FLT1: variants seen among roughly 807,000 people sequenced by gnomAD.
The protein encoded by FLT1 is vascular endothelial growth factor receptor 1.
FLT1 carries 49 observed loss-of-function variants against 156.3 expected under a neutral mutation model. That is an observed-to-expected ratio of 0.31 (90% CI 0.25 to 0.40). The LOEUF is 0.40. Ranked by LOEUF, FLT1 falls within the 10% of genes least tolerant of loss-of-function variation. The pLI, the probability that FLT1 is intolerant of heterozygous loss-of-function variation, is 1.00. For missense variants in FLT1, 1,322 were observed against 1,637.2 expected (o/e 0.81, Z 3.32); for synonymous variants, 594 against 583.8 (o/e 1.02, Z -0.25).
At chr13:28,487,940 T>C (rs1311771086) in intron 1 of FLT1, among the ~76,000 whole-genome samples, 1 of 151,780 alleles carries the variant, frequency 6.6e-6, no homozygotes, top group Non-Finnish European at 1.5e-5. Context: ...ATTACAAGTC[T>C]AAGCCAAGTA....
chr13:28,412,815 C>T (rs1169059055), intron 10 of FLT1, among the ~76,000 whole-genome samples: 2 of 149,142 alleles, frequency 1.3e-5, no homozygotes, highest in Admixed American at 6.8e-5. Context: ...CGGCTCACTG[C>T]AACCTCTGCC....
At chr13:28,393,570 A>C (rs1263655376) in intron 12 of FLT1, among the ~76,000 whole-genome samples, 1 of 151,922 alleles carries the variant, frequency 6.6e-6, no homozygotes, top group Non-Finnish European at 1.5e-5. Flanking sequence ...ACTCAAAAAA[A>C]TTTTTGTGTT....
At chr13:28,311,565 A>G (rs755596283) in intron 27 of FLT1, 25 bp downstream of exon 27, 2 of 1,599,738 alleles carry the variant, frequency 1.3e-6, no homozygotes, top group South Asian at 1.1e-5. Flanking sequence ...ATTCTGTGAT[A>G]TAAAGTTTGA....
intron 16 of FLT1, among the ~76,000 whole-genome samples, chr13:28,345,159 C>T (rs1396049520): frequency 6.6e-6 from 1 of 152,064 alleles, no homozygotes; most frequent in African/African-American, 2.4e-5. Flanking sequence ...TCACAGGTCC[C>T]ACACTGACTT....
intron 24 of FLT1, among the ~76,000 whole-genome samples, chr13:28,318,935 C>T (rs1871320930): frequency 6.6e-6 from 1 of 152,162 alleles, no homozygotes; most frequent in Admixed American, 6.5e-5. Flanking sequence ...GTGTCCAGAG[C>T]CATATCATGT....
chr13:28,386,125 T>G, intron 13 of FLT1: 1 of 1,052,992 alleles, frequency 9.5e-7, no homozygotes, highest in Non-Finnish European at 1.1e-6. Context: ...TTTCCTCATC[T>G]TAGTGTACTA....
intron 29 of FLT1, among the ~76,000 whole-genome samples, chr13:28,304,610 A>T (rs929557395): frequency 6.6e-6 from 1 of 152,120 alleles, no homozygotes; most frequent in Non-Finnish European, 1.5e-5. Context: ...ATAGACACAA[A>T]TTGTGCAACC....
At chr13:28,436,871 C>T (rs572147106) in intron 4 of FLT1, among the ~76,000 whole-genome samples, 1 of 152,258 alleles carries the variant, frequency 6.6e-6, no homozygotes, top group South Asian at 2.1e-4. Flanking sequence ...GTCATTACCC[C>T]CTTCCTCAGA....
chr13:28,318,656 G>C (rs928430611), intron 24 of FLT1, among the ~76,000 whole-genome samples: 4 of 152,108 alleles, frequency 2.6e-5, no homozygotes, highest in Admixed American at 1.3e-4. Context: ...GAAAGCAGGG[G>C]AATGATTTTC....
At chr13:28,492,492 C>A (rs540551027) in intron 1 of FLT1, among the ~76,000 whole-genome samples, 10 of 152,232 alleles carry the variant, frequency 6.6e-5, no homozygotes, top group African/African-American at 2.2e-4. Flanking sequence ...GGTAAATAAG[C>A]GCTTTAGAGG....
intron 2 of FLT1, 147 bp downstream of exon 2, chr13:28,467,374 C>A: frequency 1.5e-6 from 1 of 688,822 alleles, no homozygotes; most frequent in South Asian, 1.7e-5. Context: ...CCCCATGAAT[C>A]CCCTTTCATG....
rs2138831802 is a variant in FLT1, at chr13:28,322,706, G to T, written c.2953+84C>A. On this transcript the variant is annotated intron_variant, in intron 21 of 29. Coordinates refer to ENST00000282397, the MANE Select transcript of FLT1 (RefSeq NM_002019.4). The surrounding 1 kb of genome is among the most constrained non-coding windows in gnomAD (Gnocchi z 4.3). ...GTCTCCCACGGATGTTTATTAGAGT[G>T]ATAAATAAGAAAAAAATTTCAGAGA... 1 of 1,284,940 alleles carries T rather than the reference G, an allele frequency of 7.8e-7. No individual in the cohort carries two copies. Among genetic ancestry groups the T allele is most frequent in the Non-Finnish European group, 1.1e-6 (1 of 886,102 alleles). The allele number at this position is 1,284,940 out of a possible 1,614,324, so 79.6% of individuals were successfully genotyped here. A position where few individuals can be genotyped will look rare whatever the true frequency, so the allele number is the denominator to read the frequency against.
At chr13:28,494,038 A>C (rs7320371) in intron 1 of FLT1, among the ~76,000 whole-genome samples, 14,870 of 152,216 alleles carry the variant, frequency 0.098, 953 homozygotes, top group Admixed American at 0.2. Flanking sequence ...ACCGCGCACC[A>C]CGCCTGCTCC....
intron 10 of FLT1, among the ~76,000 whole-genome samples, chr13:28,419,735 C>T (rs1463672509): frequency 1.3e-5 from 2 of 152,138 alleles, no homozygotes; most frequent in Admixed American, 6.5e-5. Context: ...AAAAATTAGC[C>T]AGGTGTTGTG....
intron 14 of FLT1, among the ~76,000 whole-genome samples, chr13:28,367,298 T>G (rs1406839124): frequency 6.6e-6 from 1 of 152,258 alleles, no homozygotes; most frequent in Admixed American, 6.5e-5. Flanking sequence ...AACTTTACAC[T>G]GGGCTGTTTT....
chr13:28,456,737 A>C (rs1473801411), intron 3 of FLT1, among the ~76,000 whole-genome samples: 1 of 151,960 alleles, frequency 6.6e-6, no homozygotes, highest in Non-Finnish European at 1.5e-5. Context: ...CAGAGGTTGC[A>C]GTGAGCTGAG....
chr13:28,326,715 G>A (rs528117001), intron 20 of FLT1, among the ~76,000 whole-genome samples: 116 of 151,818 alleles, frequency 7.6e-4, no homozygotes, highest in African/African-American at 2.6e-3. Flanking sequence ...TAGTAGAGAC[G>A]GGTTTTCACC....
chr13:28,399,758 A>G (rs1428856814), intron 11 of FLT1, among the ~76,000 whole-genome samples: 1 of 152,222 alleles, frequency 6.6e-6, no homozygotes, highest in African/African-American at 2.4e-5. Context: ...CATTACTCGT[A>G]GTCAAGCCTG....
chr13:28,351,177 T>C (rs899219109), intron 15 of FLT1, among the ~76,000 whole-genome samples: 6 of 152,214 alleles, frequency 3.9e-5, no homozygotes, highest in Non-Finnish European at 5.9e-5. Flanking sequence ...ACTGGTCCAC[T>C]ACCTCCCTGA....
Sources: allele counts gnomAD v4.1 joint callset (sites outside exome capture counted in the v4.1 genomes callset), GRCh38; gene constraint gnomAD v4.1.1; non-coding constraint Gnocchi (gnomAD v3.1); transcripts MANE v1.5; gene names NCBI Gene and HGNC (gene_info 2026-07-23, HGNC 2026-07-21).